The following BEND6 variants were observed in gnomAD, a reference collection of about 807,000 sequenced individuals.
BEND6 encodes BEN domain containing 6.
In BEND6, 24 loss-of-function variants were observed where a neutral mutation model predicts 31.8. The ratio of observed to expected loss-of-function variants is 0.75; its 90% CI spans 0.55 to 1.06. The LOEUF (loss-of-function observed/expected upper bound fraction) is 1.06, where lower values mean the gene tolerates loss of function less well. BEND6 is among the 50% of genes least tolerant of loss of function. The pLI is 0.00. For missense variants in BEND6, 294 were observed against 327.4 expected, an observed-to-expected ratio of 0.90 and a Z score of 0.79; for synonymous variants, 109 against 114.6, an observed-to-expected ratio of 0.95 and a Z score of 0.31.
At chr6:56,984,491 G>T (rs182522023) in intron 2 of BEND6, among the ~76,000 whole-genome samples, 7 of 152,288 alleles carry the variant, frequency 4.6e-5, no homozygotes, top group South Asian at 2.1e-4. Context: ...GGGAGAAAAT[G>T]ATATCTCATT....
chr6:57,011,451 C>A (rs1827337573), intron 3 of BEND6, among the ~76,000 whole-genome samples: 1 of 151,936 alleles, frequency 6.6e-6, no homozygotes, highest in Non-Finnish European at 1.5e-5. Context: ...AAAAATTGGG[C>A]CTAGCAAAGT....
intron 6 of BEND6, among the ~76,000 whole-genome samples, chr6:57,021,231 A>G (rs1439538887): frequency 1.3e-5 from 2 of 152,170 alleles, no homozygotes; most frequent in African/African-American, 4.8e-5. Flanking sequence ...ATGCTGGAAA[A>G]GACAGGGTCA....
At chr6:56,991,582 AC>A (rs1391484176) in intron 2 of BEND6, among the ~76,000 whole-genome samples, 1 of 151,446 alleles carries the variant, frequency 6.6e-6, no homozygotes, top group Non-Finnish European at 1.5e-5. Flanking sequence ...GGCTGTCTTG[AC>A]CCCCTGGGCT....
At chr6:56,969,550 A>T (rs916866983) in intron 1 of BEND6, among the ~76,000 whole-genome samples, 1 of 152,248 alleles carries the variant, frequency 6.6e-6, no homozygotes, top group South Asian at 2.1e-4. Flanking sequence ...TGATATATGT[A>T]TAAAGCAATC....
intron 1 of BEND6, among the ~76,000 whole-genome samples, chr6:56,979,086 G>T (rs1825983029): frequency 6.6e-6 from 1 of 152,156 alleles, no homozygotes; most frequent in African/African-American, 2.4e-5. Flanking sequence ...TCAAATTACA[G>T]TTCCAGCACT....
chr6:56,996,732 C>A (rs1158452803), intron 3 of BEND6, among the ~76,000 whole-genome samples: 2 of 152,218 alleles, frequency 1.3e-5, no homozygotes, highest in Non-Finnish European at 2.9e-5. Context: ...TTACACCCCA[C>A]ACTCAGTCCA....
intron 1 of BEND6, among the ~76,000 whole-genome samples, chr6:56,962,974 C>T (rs1825342164): frequency 6.6e-6 from 1 of 152,306 alleles, no homozygotes; most frequent in Non-Finnish European, 1.5e-5. Flanking sequence ...CTCATTCAAT[C>T]CTCACAGCAG....
At chr6:57,016,618 G>C (rs925431359) in intron 4 of BEND6, among the ~76,000 whole-genome samples, 1 of 152,140 alleles carries the variant, frequency 6.6e-6, no homozygotes, top group African/African-American at 2.4e-5. Flanking sequence ...CATCTTCAAA[G>C]CCAGCAACAG....
At chr6:56,986,956 C>T (rs1261189732) in intron 2 of BEND6, among the ~76,000 whole-genome samples, 1 of 150,038 alleles carries the variant, frequency 6.7e-6, no homozygotes, top group Non-Finnish European at 1.5e-5. Context: ...AGATATTAAG[C>T]TGTTTGTGTT....
intron 6 of BEND6, among the ~76,000 whole-genome samples, chr6:57,019,825 G>A (rs1015532838): frequency 6.6e-6 from 1 of 152,246 alleles, no homozygotes; most frequent in Non-Finnish European, 1.5e-5. Flanking sequence ...TGGGCATGGT[G>A]GCTCACGCCT....
intron 2 of BEND6, 95 bp from the exon 3 acceptor site, chr6:56,992,283 A>G: frequency 5.2e-6 from 7 of 1,355,126 alleles, no homozygotes; most frequent in Non-Finnish European, 6.9e-6. Context: ...TGAGAACAAG[A>G]AATTTGTAGT....
chr6:57,024,190 A>G (rs949623656), intron 6 of BEND6, among the ~76,000 whole-genome samples: 4 of 152,144 alleles, frequency 2.6e-5, no homozygotes, highest in Non-Finnish European at 5.9e-5. Flanking sequence ...TGTAGATGTT[A>G]TTGTTTTGAT....
At chr6:57,001,028 GA>G (rs1271706562) in intron 3 of BEND6, among the ~76,000 whole-genome samples, 3 of 150,188 alleles carry the variant, frequency 2.0e-5, no homozygotes, top group Non-Finnish European at 3.0e-5. Flanking sequence ...GAAAAAAAAA[GA>G]AAAAAATCAT....
intron 1 of BEND6, among the ~76,000 whole-genome samples, chr6:56,968,132 T>C (rs979156136): frequency 2.0e-5 from 3 of 152,178 alleles, no homozygotes; most frequent in Admixed American, 6.5e-5. Flanking sequence ...GTTACACATA[T>C]GAAAACACAT....
At chr6:56,965,922 A>G (rs1220011426) in intron 1 of BEND6, among the ~76,000 whole-genome samples, 1 of 152,128 alleles carries the variant, frequency 6.6e-6, no homozygotes, top group Non-Finnish European at 1.5e-5. Context: ...ACTTAAAGCA[A>G]AAAGCATAAT....
intron 6 of BEND6, among the ~76,000 whole-genome samples, chr6:57,025,524 C>T (rs1447834535): frequency 6.6e-6 from 1 of 152,172 alleles, no homozygotes; most frequent in African/African-American, 2.4e-5. Context: ...AGAGGATATC[C>T]TGGTTATGTG....
intron 3 of BEND6, among the ~76,000 whole-genome samples, chr6:57,000,479 TCTC>T (rs1329071964): frequency 6.6e-6 from 1 of 151,836 alleles, no homozygotes; most frequent in Non-Finnish European, 1.5e-5. Flanking sequence ...AGACCTTTGT[TCTC>T]GTGTTTATCT....
At position 57,004,249 on chromosome 6, in the gene BEND6, CA is replaced by C. The variant is rs1474595004; in HGVS notation, c.299-10882del. ...AAGTCAAGCTATCTCTCTTTGCTGA[CA>C]ATATGAGTCTATACTAGAAAACCTT... is the stretch of plus-strand genomic sequence containing the variant. On this transcript the variant is annotated intron_variant, in intron 3 of 6. Transcript: ENST00000370746. Among the ~76,000 whole-genome samples the C allele has an allele frequency of 6.6e-5, 10 of 150,612 alleles. No individual in the cohort carries two copies. In the East Asian group the frequency reaches 1.2e-3, roughly 18 times the overall value.
At chr6:56,971,362 A>G (rs1047798074) in intron 1 of BEND6, among the ~76,000 whole-genome samples, 1 of 152,152 alleles carries the variant, frequency 6.6e-6, no homozygotes, top group African/African-American at 2.4e-5. Context: ...CATTTTGCTT[A>G]TTTATTCATC....
Sources: gnomAD v4.1 joint callset for allele counts (sites outside exome capture counted in the v4.1 genomes callset) on GRCh38, gnomAD v4.1.1 for gene constraint, MANE v1.5 for transcripts, NCBI Gene and HGNC (gene_info 2026-07-23, HGNC 2026-07-21) for gene names.